NUBPL: variants seen among roughly 807,000 people sequenced by gnomAD.
NUBPL encodes iron-sulfur cluster transfer protein NUBPL.
A neutral mutation model predicts 45.7 loss-of-function variants in NUBPL; 31 were observed. The observed-to-expected ratio is 0.68, with a 90% confidence interval of 0.51 to 0.92. The LOEUF is 0.92. Among genes scored for constraint, NUBPL ranks in the 40% least tolerant of loss-of-function variants. NUBPL has a pLI of 0.00. For synonymous variants in NUBPL, 144 were observed against 140.9 expected (o/e 1.02, Z -0.15); for missense variants, 401 against 398.7 (o/e 1.01, Z -0.05).
At chr14:31,578,794 C>T (rs4981857) in intron 3 of NUBPL, among the ~76,000 whole-genome samples, 47,144 of 152,064 alleles carry the variant, frequency 0.31, 7,842 homozygotes, top group South Asian at 0.41. Context: ...TTAAAGAGAG[C>T]GGGCAGCTTG....
chr14:31,743,692 A>G (rs1051888114), intron 6 of NUBPL, among the ~76,000 whole-genome samples: 1 of 152,028 alleles, frequency 6.6e-6, no homozygotes, highest in Non-Finnish European at 1.5e-5. Context: ...TTGGGCTCTT[A>G]ATGCTGCTGT....
intron 4 of NUBPL, among the ~76,000 whole-genome samples, chr14:31,659,610 T>A (rs1278930520): frequency 6.6e-6 from 1 of 152,228 alleles, no homozygotes; most frequent in African/African-American, 2.4e-5. Context: ...AGAAGTGAGA[T>A]ACCAAGTTTA....
chr14:31,593,898 A>G (rs2378897), intron 3 of NUBPL, among the ~76,000 whole-genome samples: 46,503 of 151,898 alleles, frequency 0.31, 7,731 homozygotes, highest in South Asian at 0.41. Context: ...TATGTATGGA[A>G]TAGATTAGAA....
intron 6 of NUBPL, among the ~76,000 whole-genome samples, chr14:31,713,467 A>T (rs1017142481): frequency 6.6e-6 from 1 of 152,010 alleles, no homozygotes; most frequent in African/African-American, 2.4e-5. Flanking sequence ...TTTCCCTTTC[A>T]GTTGTGCCAC....
chr14:31,836,426 A>G (rs1460812167), intron 8 of NUBPL, among the ~76,000 whole-genome samples: 1 of 152,220 alleles, frequency 6.6e-6, no homozygotes, highest in Non-Finnish European at 1.5e-5. Context: ...TGTTTCTGCT[A>G]TTAAAGGATA....
At chr14:31,754,610 T>TC (rs1268409129) in intron 6 of NUBPL, among the ~76,000 whole-genome samples, 7 of 138,408 alleles carry the variant, frequency 5.1e-5, no homozygotes, top group Admixed American at 1.5e-4. Context: ...TTTTTTTTTT[T>TC]TTCTATTTGA....
intron 7 of NUBPL, among the ~76,000 whole-genome samples, chr14:31,795,246 T>C (rs1322945680): frequency 6.6e-6 from 1 of 150,880 alleles, no homozygotes; most frequent in African/African-American, 2.5e-5. Context: ...AACTTTAAAG[T>C]AGTTTTTTCC....
At chr14:31,624,385 C>G (rs940256709) in intron 4 of NUBPL, among the ~76,000 whole-genome samples, 1 of 151,984 alleles carries the variant, frequency 6.6e-6, no homozygotes, top group Non-Finnish European at 1.5e-5. Context: ...CAGAATTAGT[C>G]AACAGATGGT....
chr14:31,705,061 TC>T (rs1332267424), intron 6 of NUBPL, among the ~76,000 whole-genome samples: 1 of 152,200 alleles, frequency 6.6e-6, no homozygotes, highest in African/African-American at 2.4e-5. Flanking sequence ...AGCTGTTTAT[TC>T]CTTCCAGTGG....
At chr14:31,593,337 C>G (rs968303327) in intron 3 of NUBPL, among the ~76,000 whole-genome samples, 1 of 151,676 alleles carries the variant, frequency 6.6e-6, no homozygotes, top group African/African-American at 2.4e-5. Flanking sequence ...CACGGTGAAA[C>G]CCCATCTCTA....
chr14:31,633,284 G>A (rs1339374906), intron 4 of NUBPL, among the ~76,000 whole-genome samples: 1 of 152,160 alleles, frequency 6.6e-6, no homozygotes, highest in Admixed American at 6.5e-5. Flanking sequence ...TGGTGCAGTG[G>A]TGCTGTTACC....
At chr14:31,672,412 T>C (rs950757296) in intron 4 of NUBPL, among the ~76,000 whole-genome samples, 1 of 152,208 alleles carries the variant, frequency 6.6e-6, no homozygotes, top group African/African-American at 2.4e-5. Context: ...AAATTAGTTA[T>C]TGAGGCTATT....
intron 6 of NUBPL, among the ~76,000 whole-genome samples, chr14:31,724,615 A>G (rs533681257): frequency 1.3e-5 from 2 of 152,340 alleles, no homozygotes; most frequent in African/African-American, 4.8e-5. Flanking sequence ...CTGTTTGCCA[A>G]GAATTTTGCT....
intron 7 of NUBPL, among the ~76,000 whole-genome samples, chr14:31,804,505 C>T (rs2138876418): frequency 6.6e-6 from 1 of 152,224 alleles, no homozygotes; most frequent in East Asian, 1.9e-4. Flanking sequence ...ATCAAGAGGT[C>T]ATCTAGCCTG....
At chr14:31,815,519 C>G (rs1205547909) in intron 7 of NUBPL, among the ~76,000 whole-genome samples, 1 of 152,142 alleles carries the variant, frequency 6.6e-6, no homozygotes, top group African/African-American at 2.4e-5. Context: ...TATTTGAATA[C>G]CCTTTCTTTC....
intron 3 of NUBPL, among the ~76,000 whole-genome samples, chr14:31,577,588 A>G (rs750715334): frequency 3.7e-4 from 56 of 152,044 alleles, no homozygotes; most frequent in Non-Finnish European, 6.9e-4. Flanking sequence ...TAATTTTCGT[A>G]TTTTTTAGTA....
chr14:31,704,117 A>C (rs2037395855), intron 6 of NUBPL, among the ~76,000 whole-genome samples: 1 of 152,144 alleles, frequency 6.6e-6, no homozygotes. Flanking sequence ...CTTTCTGCTG[A>C]CAGAGGGGTG....
At chr14:31,792,693 C>CA (rs1421005476) in intron 7 of NUBPL, among the ~76,000 whole-genome samples, 2 of 150,224 alleles carry the variant, frequency 1.3e-5, no homozygotes, top group South Asian at 4.2e-4. Context: ...TGCAGATAAA[C>CA]AAAAAAAGAA....
At chr14:31,738,210 A>C (rs1414889409) in intron 6 of NUBPL, among the ~76,000 whole-genome samples, 1 of 152,182 alleles carries the variant, frequency 6.6e-6, no homozygotes, top group Non-Finnish European at 1.5e-5. Context: ...TCATATCAAA[A>C]ATATAGTGGG....
Sources: allele counts gnomAD v4.1 joint callset (sites outside exome capture counted in the v4.1 genomes callset), GRCh38; gene constraint gnomAD v4.1.1; transcripts MANE v1.5; gene names NCBI Gene and HGNC (gene_info 2026-07-23, HGNC 2026-07-21).